Variants in ATP13A2 observed in about 807,000 individuals in gnomAD.
ATP13A2 encodes the protein polyamine-transporting ATPase 13A2.
In ATP13A2, 83 loss-of-function variants were observed where a neutral mutation model predicts 138.3. The observed-to-expected ratio is 0.60, with a 90% CI of 0.50 to 0.72. ATP13A2 has a LOEUF of 0.72. ATP13A2 is among the 30% of genes least tolerant of loss of function. The pLI is 0.00. For missense variants in ATP13A2, 1,402 were observed against 1,606.4 expected (o/e 0.87, Z 2.17); for synonymous variants, 663 against 699.0 (o/e 0.95, Z 0.81).
At position 16,992,506 on chromosome 1, in the gene ATP13A2, C is replaced by A; in HGVS notation, c.1825G>T (p.Glu609Ter). Residue 609 changes from glutamate (E) to a stop codon, truncating the protein, a stop_gained, in exon 17 of 29, where the codon GAG (glutamate) becomes TAG (stop). Coordinates refer to ENST00000326735, the MANE Select transcript of ATP13A2 (RefSeq NM_022089.4). LOFTEE classifies it high-confidence loss of function. ...CTCACCATTGCCTGCAGCTGGGGCT[C>A]CCAAAGTGGGGGTCTCATCACTGCC... is the stretch of plus-strand genomic sequence containing the variant. ...VLAVMRPPLW[E>*]PQLQAMEEPP... The A allele has an allele frequency of 6.2e-7, 1 of 1,614,160 alleles. No individual in the cohort carries two copies. Among genetic ancestry groups the A allele is most frequent in the Non-Finnish European group, 8.5e-7 (1 of 1,180,024 alleles).
intron 23 of ATP13A2, 22 bp downstream of exon 23, chr1:16,989,669 A>G: frequency 6.2e-6 from 10 of 1,613,616 alleles, no homozygotes; most frequent in Non-Finnish European, 5.9e-6. Context: ...GCCCTTGCCC[A>G]CACCCTCTGC....
intron 15 of ATP13A2, 146 bp from the exon 16 acceptor site, chr1:16,993,981 T>C (rs1195593118): frequency 4.4e-6 from 3 of 684,034 alleles, no homozygotes; most frequent in Middle Eastern, 4.1e-4. Context: ...TCTTGACTGC[T>C]GTCCTTGGCA....
At chr1:17,009,300 C>CTGAA (rs1223748428) in intron 1 of ATP13A2, among the ~76,000 whole-genome samples, 2 of 151,670 alleles carry the variant, frequency 1.3e-5, no homozygotes, top group South Asian at 2.1e-4. Flanking sequence ...GACCGACTGA[C>CTGAA]TGAATGAATG....
Position 16,997,184 on chromosome 1 carries a change from G to A in ATP13A2, c.1040-9C>T. ...CACTGGAATGCTCTCTCCTGGTGGG[G>A]AACGTGGTGTGAGGACCACTCCACA... On this transcript the variant is annotated splice_polypyrimidine_tract_variant and intron_variant, in intron 11 of 28. Coordinates refer to ENST00000326735, the MANE Select transcript of ATP13A2 (RefSeq NM_022089.4). 1.5e-5 allele frequency: 25 copies of A among 1,613,350 alleles called. No individual in the cohort carries two copies. The highest frequency in any genetic ancestry group is 2.0e-5 in the Non-Finnish European group (24 of 1,180,028).
intron 1 of ATP13A2, among the ~76,000 whole-genome samples, chr1:17,010,976 C>A (rs1261231872): frequency 6.6e-6 from 1 of 152,134 alleles, no homozygotes; most frequent in East Asian, 1.9e-4. Context: ...ATTCTAGGGG[C>A]TGTCTTTCCT....
intron 13 of ATP13A2, 41 bp downstream of exon 13, chr1:16,996,345 G>T (rs553370872): frequency 5.0e-6 from 8 of 1,607,570 alleles, no homozygotes; most frequent in Admixed American, 3.3e-5. Context: ...GACCCAGGTG[G>T]GGGGGGCTAT....
intron 6 of ATP13A2, among the ~76,000 whole-genome samples, chr1:17,002,803 C>G (rs1332620008): frequency 6.6e-6 from 1 of 152,100 alleles, no homozygotes; most frequent in South Asian, 2.1e-4. Context: ...TTTGGACGTG[C>G]CTGCCACTTG....
intron 12 of ATP13A2, 142 bp downstream of exon 12, chr1:16,996,878 C>A: frequency 1.9e-6 from 2 of 1,067,360 alleles, no homozygotes; most frequent in Admixed American, 4.1e-5. Context: ...AGATGGGGGG[C>A]AACTGGCCCG....
chr1:17,007,696 C>A (rs919592729), intron 1 of ATP13A2, among the ~76,000 whole-genome samples: 29 of 151,904 alleles, frequency 1.9e-4, no homozygotes, highest in Admixed American at 6.6e-5. Context: ...GGACTACAGG[C>A]GCCCGCCACC....
Position 16,993,703 on chromosome 1 carries a change from G to A in ATP13A2, c.1675C>T (p.His559Tyr). The A allele has an allele frequency of 6.3e-7, 1 of 1,595,794 alleles. No individual in the cohort carries two copies. The highest frequency in any genetic ancestry group is 2.3e-5 in the East Asian group (1 of 44,202). ...GTGTCCTGGAGCCGGCTGAGGGCATGGCAGGTGGCCAGTGCTCGGAGCAGG... is the reference window on the plus strand; with the variant it reads ...GTGTCCTGGAGCCGGCTGAGGGCATAGCAGGTGGCCAGTGCTCGGAGCAGG... ...GPLLRALATC[H>Y]ALSRLQDTPV... The change falls in exon 16 of 29, where the codon CAT becomes TAT. Residue 559 changes from histidine (H) to tyrosine (Y), a missense_variant. Transcript: ENST00000326735.
In ATP13A2 at chr1:17,004,963, G is replaced by A. The variant is rs746113789; in HGVS notation, c.347+51C>T. The A allele has an allele frequency of 2.5e-6, 4 of 1,612,412 alleles. No homozygotes were observed. Among genetic ancestry groups the A allele is most frequent in the African/African-American group, 2.7e-5 (2 of 74,902 alleles). On this transcript the variant is annotated intron_variant, in intron 4 of 28. Transcript: ENST00000326735. The surrounding 1 kb of genome is among the most constrained non-coding windows in gnomAD (Gnocchi z 4.1). Reference sequence around the variant, plus strand: ...GGGGGCCGAGGGTTGGGGAAGTTGGGGAGGCCAGGGTAGCAGGGGCTTCTG... The same window carrying A: ...GGGGGCCGAGGGTTGGGGAAGTTGGAGAGGCCAGGGTAGCAGGGGCTTCTG...
In ATP13A2 at chr1:16,996,387, C is replaced by A; in HGVS notation, c.1305G>T (p.Leu435=). Residue 435 remains leucine (L), a splice_region_variant and synonymous_variant, in exon 13 of 29, where the codon CTG becomes CTT. Transcript: ENST00000326735. The part of the protein sequence containing the change: ...SMKFVAALSV[L]ALLGTIYSIF... Reference sequence around the variant, plus strand: ...AGGAGGGTGCAGGGGGCCACTCACCCAGGACAGAGAGGGCAGCCACAAACT... The same window carrying A: ...AGGAGGGTGCAGGGGGCCACTCACCAAGGACAGAGAGGGCAGCCACAAACT... The A allele has an allele frequency of 6.2e-7, 1 of 1,614,056 alleles. No individual in the cohort carries two copies. The highest frequency in any genetic ancestry group is 8.5e-7 in the Non-Finnish European group (1 of 1,179,996).
rs951584451 is a variant in ATP13A2 at position 16,986,851 on chromosome 1, T to C, written c.3189A>G (p.Ala1063=). The part of the protein sequence containing the change: ...LSSFQYLILA[A]AVSKGAPFRR... ...GGAAGGGCGCCCCCTTGGACACGGC[T>C]GCAGCCAGGATGAGGTACTGGAAGC... Residue 1063 remains alanine (A), a synonymous_variant, in exon 27 of 29, where the codon GCA becomes GCG. Coordinates refer to ENST00000326735, the MANE Select transcript of ATP13A2 (RefSeq NM_022089.4). This position sits in a 1 kb window ranked among gnomAD's most constrained non-coding sequence, Gnocchi z 6.9. The C allele has an allele frequency of 3.1e-6, 5 of 1,613,948 alleles. No individual in the cohort carries two copies. Among genetic ancestry groups the C allele is most frequent in the Non-Finnish European group, 4.2e-6 (5 of 1,179,994 alleles).
rs1291486966 is a variant in ATP13A2, at chr1:17,000,878, G to A, written c.706-344C>T. The stretch of plus-strand genomic sequence containing the variant: ...GATCACTTAAGCTGGGGAGGTGGAG[G>A]GTGCAGTGAGCTGAGATCGCGCCAC... On this transcript the variant is annotated intron_variant, in intron 8 of 28. Transcript: ENST00000326735. 5 of 289,574 alleles carry A rather than the reference G, an allele frequency of 1.7e-5. No individual in the cohort carries two copies. The East Asian group carries it at 3.8e-4, about 22-fold the overall frequency. The allele number at this position is 289,574 out of a possible 1,614,324, so 17.9% of individuals were successfully genotyped here.
intron 8 of ATP13A2, 151 bp from the exon 9 acceptor site, chr1:17,000,685 C>T (rs1030545694): frequency 2.0e-6 from 2 of 993,080 alleles, no homozygotes; most frequent in African/African-American, 3.3e-5. Context: ...CATCCCCACC[C>T]AACCAGACAT....
At chr1:16,996,890 G>A (rs1184388059) in intron 12 of ATP13A2, 130 bp downstream of exon 12, 2 of 1,204,184 alleles carry the variant, frequency 1.7e-6, no homozygotes, top group South Asian at 1.3e-5. Flanking sequence ...ACTGGCCCGA[G>A]GTCCCACAGC....
chr1:17,011,594 C>T lies in ATP13A2; in HGVS notation c.10+135G>A. 8.5e-7 allele frequency: 1 copy of T among 1,176,552 alleles called. No individual in the cohort carries two copies. The highest frequency in any genetic ancestry group is 1.1e-6 in the Non-Finnish European group (1 of 902,044). The allele number at this position is 1,176,552 out of a possible 1,614,324, so 72.9% of individuals were successfully genotyped here. A position where few individuals can be genotyped will look rare whatever the true frequency, so the allele number is the denominator to read the frequency against. On this transcript the variant is annotated intron_variant, in intron 1 of 28. Coordinates refer to ENST00000326735, the MANE Select transcript of ATP13A2 (RefSeq NM_022089.4). The surrounding 1 kb of genome is among the most constrained non-coding windows in gnomAD (Gnocchi z 7.3). ...AAAGGGAGGGGACGGGCCAGGATCC[C>T]CAACCAGGTCCCGCTTCCTGGGCTC...
At chr1:17,003,585 CCA>C (rs540533484) in intron 6 of ATP13A2, among the ~76,000 whole-genome samples, 6,931 of 132,876 alleles carry the variant, frequency 0.052, 167 homozygotes, top group Middle Eastern at 0.065. Context: ...ACCAAAAAAA[CCA>C]CACACACACA....
chr1:16,992,037 TG>T lies in ATP13A2; in HGVS notation c.2097del (p.Ser700AlafsTer8). On this transcript the variant is annotated frameshift_variant, in exon 19 of 29. Transcript: ENST00000326735. LOFTEE classifies it high-confidence loss of function. ...ALASKPLPTV[P>X]SLEAAQQLTR... ...GTCAGTTGCTGGGCTGCCTCCAGGC[TG>T]GGCACAGTGGGCAGTGGCTTGCTGG... The T allele has an allele frequency of 6.2e-7, 1 of 1,613,204 alleles. No homozygotes were observed. Among genetic ancestry groups the T allele is most frequent in the Non-Finnish European group, 8.5e-7 (1 of 1,179,620 alleles).
Sources: allele counts gnomAD v4.1 joint callset (sites outside exome capture counted in the v4.1 genomes callset), GRCh38; gene constraint gnomAD v4.1.1; non-coding constraint Gnocchi (gnomAD v3.1); transcripts MANE v1.5; gene names NCBI Gene and HGNC (gene_info 2026-07-23, HGNC 2026-07-21).